Variants in NFIA observed in about 807,000 individuals in gnomAD.
NFIA encodes nuclear factor 1 A-type.
A neutral mutation model predicts 62.8 loss-of-function variants in NFIA; 8 were observed. The ratio of observed to expected loss-of-function variants is 0.13; its 90% confidence interval spans 0.07 to 0.23. NFIA has a LOEUF of 0.23. Ranked by LOEUF, NFIA falls within the 10% of genes least tolerant of loss-of-function variation. The pLI is 1.00. For missense variants in NFIA, 410 were observed against 642.1 expected (o/e 0.64, Z 3.91); for synonymous variants, 235 against 238.1 (o/e 0.99, Z 0.12).
chr1:61,351,628 A>G (rs1338946796), intron 4 of NFIA, among the ~76,000 whole-genome samples: 1 of 152,234 alleles, frequency 6.6e-6, no homozygotes, highest in Non-Finnish European at 1.5e-5. Flanking sequence ...ACTACTGTCA[A>G]AAAGGTATCT....
chr1:61,442,878 C>T (rs755607435), intron 10 of NFIA, among the ~76,000 whole-genome samples: 2 of 152,210 alleles, frequency 1.3e-5, no homozygotes, highest in Non-Finnish European at 2.9e-5. Context: ...TAAACTGCTG[C>T]TCCCAAAGAA....
At chr1:61,418,726 A>G (rs1666470533) in intron 9 of NFIA, among the ~76,000 whole-genome samples, 1 of 152,240 alleles carries the variant, frequency 6.6e-6, no homozygotes, top group South Asian at 2.1e-4. Context: ...CTTATAAGTA[A>G]TGATGTAATG....
At chr1:61,215,114 A>G (rs1298195298) in intron 2 of NFIA, among the ~76,000 whole-genome samples, 1 of 152,210 alleles carries the variant, frequency 6.6e-6, no homozygotes, top group African/African-American at 2.4e-5. Context: ...AAAAAATAGT[A>G]CCTAACGGAA....
intron 4 of NFIA, among the ~76,000 whole-genome samples, chr1:61,342,468 A>G (rs1288208252): frequency 6.6e-6 from 1 of 152,172 alleles, no homozygotes; most frequent in Non-Finnish European, 1.5e-5. Flanking sequence ...ACCAAAAGCT[A>G]AGACATGATG....
In NFIA at chr1:61,333,232, C is replaced by G. The variant is rs184356956; in HGVS notation, c.700+646C>G. Among the ~76,000 whole-genome samples, 12 of 152,286 alleles carry G rather than the reference C, an allele frequency of 7.9e-5. No homozygotes were observed. In the East Asian group the frequency reaches 1.7e-3, roughly 22 times the overall value. On this transcript the variant is annotated intron_variant, in intron 4 of 10. Coordinates refer to ENST00000403491, the MANE Select transcript of NFIA (RefSeq NM_001134673.4). ...ATTTTATTTTGTTTTACTCCTCCAACTACTTCAAAATACCACTTGTAGGTA... is the reference window on the plus strand; with the variant it reads ...ATTTTATTTTGTTTTACTCCTCCAAGTACTTCAAAATACCACTTGTAGGTA...
At chr1:61,193,210 G>T (rs780266071) in intron 2 of NFIA, among the ~76,000 whole-genome samples, 19 of 152,168 alleles carry the variant, frequency 1.2e-4, no homozygotes, top group Non-Finnish European at 2.6e-4. Flanking sequence ...ACGTTCACAT[G>T]CTTATGAAAA....
chr1:61,135,356 G>A (rs1000132290), intron 2 of NFIA, among the ~76,000 whole-genome samples: 1 of 152,104 alleles, frequency 6.6e-6, no homozygotes, highest in Non-Finnish European at 1.5e-5. Context: ...ACATCTTTAG[G>A]TTCCTAAATT....
chr1:61,246,604 TA>T (rs11291892), intron 2 of NFIA, among the ~76,000 whole-genome samples: 64,966 of 150,700 alleles, frequency 0.43, 17,331 homozygotes, highest in African/African-American at 0.76. Flanking sequence ...TTCCAACTCT[TA>T]AAAAAAAAAT....
intron 2 of NFIA, among the ~76,000 whole-genome samples, chr1:61,192,545 CA>C (rs71732869): frequency 0.33 from 49,035 of 150,724 alleles, 9,161 homozygotes; most frequent in East Asian, 0.58. Flanking sequence ...ACTAAAAATA[CA>C]AAAAAAATTA....
chr1:61,140,721 G>A (rs1223354211), intron 2 of NFIA, among the ~76,000 whole-genome samples: 1 of 152,138 alleles, frequency 6.6e-6, no homozygotes, highest in African/African-American at 2.4e-5. Context: ...CAGTTGGGGA[G>A]TGAATTGGTA....
chr1:61,335,105 C>T (rs1661531031), intron 4 of NFIA, among the ~76,000 whole-genome samples: 1 of 152,180 alleles, frequency 6.6e-6, no homozygotes, highest in Non-Finnish European at 1.5e-5. Flanking sequence ...CATCCTTTGG[C>T]TCTCAAATGC....
chr1:61,311,617 C>CA (rs954626536), intron 3 of NFIA, among the ~76,000 whole-genome samples: 1 of 152,068 alleles, frequency 6.6e-6, no homozygotes, highest in African/African-American at 2.4e-5. Context: ...TAGTAACAAC[C>CA]AGAAATGTAT....
intron 2 of NFIA, among the ~76,000 whole-genome samples, chr1:61,265,375 G>A (rs1040010190): frequency 6.6e-6 from 1 of 152,192 alleles, no homozygotes; most frequent in Non-Finnish European, 1.5e-5. Flanking sequence ...TAAGTGAAAT[G>A]ATTCACTTAC....
At chr1:61,382,150 AG>A (rs1292336095) in intron 6 of NFIA, among the ~76,000 whole-genome samples, 2 of 152,150 alleles carry the variant, frequency 1.3e-5, no homozygotes, top group African/African-American at 4.8e-5. Context: ...TGCGGAGACT[AG>A]GAGTCATTTC....
intron 2 of NFIA, among the ~76,000 whole-genome samples, chr1:61,089,413 C>T (rs945048671): frequency 6.6e-6 from 1 of 152,038 alleles, no homozygotes; most frequent in Non-Finnish European, 1.5e-5. Context: ...GCATGTCTTA[C>T]CTGTGCATGT....
Position 61,142,858 on chromosome 1 carries a change from C to T in NFIA, c.559+54178C>T, listed in dbSNP as rs551191652. On this transcript the variant is annotated intron_variant, in intron 2 of 10. Coordinates refer to ENST00000403491, the MANE Select transcript of NFIA (RefSeq NM_001134673.4). ...CCTGTGCCAAGAACTTAAGAGAGAGCCGGGGATGGACCCTCCTTGCTGTGG... is the reference window on the plus strand; with the variant it reads ...CCTGTGCCAAGAACTTAAGAGAGAGTCGGGGATGGACCCTCCTTGCTGTGG... 2.0e-5 allele frequency among the ~76,000 whole-genome samples: 3 copies of T among 152,230 alleles called. No individual in the cohort carries two copies. The South Asian group carries it at 6.2e-4, about 32-fold the overall frequency.
intron 2 of NFIA, among the ~76,000 whole-genome samples, chr1:61,158,019 C>A (rs1445906131): frequency 6.6e-6 from 1 of 152,306 alleles, no homozygotes; most frequent in Admixed American, 6.5e-5. Flanking sequence ...AAACCACTAA[C>A]AGCTTTGTGT....
chr1:61,379,194 C>T (rs889204301), intron 6 of NFIA, among the ~76,000 whole-genome samples: 7 of 151,966 alleles, frequency 4.6e-5, no homozygotes, highest in African/African-American at 1.7e-4. Context: ...CATCATTATA[C>T]AAGGCTGGAA....
chr1:61,134,585 C>T (rs1249607361), intron 2 of NFIA, among the ~76,000 whole-genome samples: 1 of 152,152 alleles, frequency 6.6e-6, no homozygotes, highest in Non-Finnish European at 1.5e-5. Flanking sequence ...GTTATGACCA[C>T]TCTTAAGATT....
Sources: gnomAD v4.1 joint callset for allele counts (sites outside exome capture counted in the v4.1 genomes callset) on GRCh38, gnomAD v4.1.1 for gene constraint, MANE v1.5 for transcripts, NCBI Gene and HGNC (gene_info 2026-07-23, HGNC 2026-07-21) for gene names.